The following ACVR1C variants were observed in gnomAD, a reference collection of about 807,000 sequenced individuals.
ACVR1C encodes activin A receptor type 1C, also known as activin receptor type-1C.
Under a neutral mutation model 57.9 loss-of-function variants are expected in ACVR1C, and 23 were observed. The observed-to-expected ratio is 0.40, with a 90% CI of 0.29 to 0.56. The LOEUF (loss-of-function observed/expected upper bound fraction) is 0.56, where lower values mean the gene tolerates loss of function less well. ACVR1C is among the 20% of genes least tolerant of loss of function. ACVR1C has a pLI of 0.50. For missense variants in ACVR1C, 480 were observed against 607.9 expected (o/e 0.79, Z 2.21); for synonymous variants, 214 against 215.3 (o/e 0.99, Z 0.05).
rs1687272493 is a variant in ACVR1C, at chr2:157,528,077, A to G, written c.*5841T>C. The G allele has an allele frequency of 6.6e-6, 1 of 152,160 alleles. No homozygotes were observed. 9.4% of individuals were successfully genotyped at this position (152,160 alleles called of 1,614,324 possible). On this transcript the variant is annotated 3_prime_UTR_variant, in exon 9 of 9. Coordinates refer to ENST00000243349, the MANE Select transcript of ACVR1C (RefSeq NM_145259.3). The stretch of plus-strand genomic sequence containing the variant: ...TGTCAAGAATTATTTTGACTTTTTA[A>G]TTCTCATTTTCTGAAGATGTATAAG...
At chr2:157,546,601 A>G (rs780303605) in intron 4 of ACVR1C, among the ~76,000 whole-genome samples, 4 of 152,072 alleles carry the variant, frequency 2.6e-5, no homozygotes, top group Non-Finnish European at 4.4e-5. Context: ...AAAGTTCTTC[A>G]TGAGTATTAC....
intron 2 of ACVR1C, among the ~76,000 whole-genome samples, chr2:157,566,830 C>T (rs546731139): frequency 4.6e-5 from 7 of 152,274 alleles, no homozygotes; most frequent in East Asian, 3.9e-4. Flanking sequence ...ACAAAGCAGC[C>T]GGGAAGGGAA....
At chr2:157,619,127 C>A (rs548025410) in intron 1 of ACVR1C, among the ~76,000 whole-genome samples, 81 of 151,562 alleles carry the variant, frequency 5.3e-4, no homozygotes, top group Non-Finnish European at 9.6e-4. Flanking sequence ...GGAGTATTCA[C>A]GAGGTCAGAC....
intron 2 of ACVR1C, among the ~76,000 whole-genome samples, chr2:157,584,384 G>T (rs1049649451): frequency 1.3e-5 from 2 of 151,400 alleles, no homozygotes; most frequent in South Asian, 4.1e-4. Flanking sequence ...GATTACAGTC[G>T]TGAGCCACCA....
intron 1 of ACVR1C, among the ~76,000 whole-genome samples, chr2:157,616,238 C>G (rs1406746373): frequency 6.6e-6 from 1 of 152,078 alleles, no homozygotes; most frequent in Non-Finnish European, 1.5e-5. Flanking sequence ...GGACGCTTCC[C>G]TCTTTAGTGT....
At chr2:157,595,166 A>T (rs923035137) in intron 1 of ACVR1C, among the ~76,000 whole-genome samples, 3 of 152,254 alleles carry the variant, frequency 2.0e-5, no homozygotes, top group Non-Finnish European at 4.4e-5. Flanking sequence ...CGACAAAATT[A>T]TTTGTGTGGA....
At chr2:157,540,200 G>T (rs1687591024) in intron 7 of ACVR1C, among the ~76,000 whole-genome samples, 1 of 152,120 alleles carries the variant, frequency 6.6e-6, no homozygotes, top group Non-Finnish European at 1.5e-5. Context: ...GACATTCAAG[G>T]AATTGCTAAA....
At chr2:157,615,503 T>C (rs1308675569) in intron 1 of ACVR1C, among the ~76,000 whole-genome samples, 2 of 152,066 alleles carry the variant, frequency 1.3e-5, no homozygotes, top group African/African-American at 4.8e-5. Flanking sequence ...GCCTCCCCAG[T>C]AGCTGGAACT....
intron 1 of ACVR1C, among the ~76,000 whole-genome samples, chr2:157,609,132 T>C (rs1682472758): frequency 6.6e-6 from 1 of 151,892 alleles, no homozygotes; most frequent in Non-Finnish European, 1.5e-5. Context: ...TTAGCACTGC[T>C]TTTGCTATAT....
At chr2:157,597,680 G>T in intron 1 of ACVR1C, 1 of 518,742 alleles carries the variant, frequency 1.9e-6, no homozygotes, top group Non-Finnish European at 2.5e-6. Flanking sequence ...CATTTCTCAA[G>T]CATTTTTAAA....
intron 3 of ACVR1C, among the ~76,000 whole-genome samples, chr2:157,552,901 G>C (rs1687955336): frequency 6.6e-6 from 1 of 152,166 alleles, no homozygotes; most frequent in African/African-American, 2.4e-5. Flanking sequence ...CTTTTAACCA[G>C]GGGGTGTAGA....
At chr2:157,582,423 A>G (rs1326095413) in intron 2 of ACVR1C, among the ~76,000 whole-genome samples, 2 of 152,222 alleles carry the variant, frequency 1.3e-5, no homozygotes, top group Admixed American at 1.3e-4. Flanking sequence ...AAAACCAATT[A>G]ATGCAATCCA....
chr2:157,604,547 T>G (rs755727417), intron 1 of ACVR1C, among the ~76,000 whole-genome samples: 1 of 152,046 alleles, frequency 6.6e-6, no homozygotes, highest in Non-Finnish European at 1.5e-5. Context: ...ATTAATATAC[T>G]GTTTTTAGGT....
At chr2:157,597,536 G>A (rs1682162125) in intron 1 of ACVR1C, 2 of 985,424 alleles carry the variant, frequency 2.0e-6, no homozygotes, top group Non-Finnish European at 2.4e-6. Context: ...GCGGGGCTCG[G>A]CCACCTGCCC....
intron 1 of ACVR1C, among the ~76,000 whole-genome samples, chr2:157,612,062 G>A (rs563378063): frequency 9.4e-4 from 143 of 152,262 alleles, no homozygotes; most frequent in Non-Finnish European, 1.7e-3. Context: ...CAATAGCAGT[G>A]GCCACAACAA....
chr2:157,624,652 C>T (rs1200045954), intron 1 of ACVR1C, among the ~76,000 whole-genome samples: 1 of 152,102 alleles, frequency 6.6e-6, no homozygotes, highest in Admixed American at 6.5e-5. Flanking sequence ...AGAGAGATAT[C>T]CTGTGCAAAG....
intron 2 of ACVR1C, among the ~76,000 whole-genome samples, chr2:157,573,029 G>A (rs1325849015): frequency 3.9e-5 from 6 of 152,090 alleles, no homozygotes; most frequent in Admixed American, 1.3e-4. Context: ...AACAACAATG[G>A]GTCTTTTAAG....
At chr2:157,604,519 A>T (rs1272326548) in intron 1 of ACVR1C, among the ~76,000 whole-genome samples, 3 of 152,034 alleles carry the variant, frequency 2.0e-5, no homozygotes, top group Non-Finnish European at 4.4e-5. Flanking sequence ...CTGGATTAGA[A>T]ATAAATCTGT....
intron 1 of ACVR1C, among the ~76,000 whole-genome samples, chr2:157,622,312 T>C (rs1158484212): frequency 6.6e-6 from 1 of 151,946 alleles, no homozygotes; most frequent in Non-Finnish European, 1.5e-5. Flanking sequence ...GCCAAAGCTA[T>C]CCTAAGGAAA....
Sources: gnomAD v4.1 joint callset for allele counts (sites outside exome capture counted in the v4.1 genomes callset) on GRCh38, gnomAD v4.1.1 for gene constraint, MANE v1.5 for transcripts, NCBI Gene and HGNC (gene_info 2026-07-23, HGNC 2026-07-21) for gene names.